VPS8: variants seen among roughly 807,000 people sequenced by gnomAD.
VPS8 encodes vacuolar protein sorting-associated protein 8 homolog.
In VPS8, 129 loss-of-function variants were observed where a neutral mutation model predicts 216.4. That is an observed-to-expected ratio of 0.60 (90% CI 0.52 to 0.69). VPS8 has a LOEUF of 0.69. Ranked by LOEUF, VPS8 falls within the 30% of genes least tolerant of loss-of-function variation. The pLI is 0.00. For synonymous variants in VPS8, 571 were observed against 565.4 expected, an observed-to-expected ratio of 1.01 and a Z score of -0.14; for missense variants, 1,531 against 1,683.5, an observed-to-expected ratio of 0.91 and a Z score of 1.59.
chr3:184,889,120 C>CAA (rs1731853926), intron 22 of VPS8, among the ~76,000 whole-genome samples: 1 of 152,080 alleles, frequency 6.6e-6, no homozygotes, highest in Non-Finnish European at 1.5e-5. Flanking sequence ...TATTGACTGT[C>CAA]TGAGAATGCA....
At chr3:185,012,324 T>C (rs979085959) in intron 45 of VPS8, among the ~76,000 whole-genome samples, 2 of 147,816 alleles carry the variant, frequency 1.4e-5, no homozygotes, top group African/African-American at 4.9e-5. Context: ...AATTTATATA[T>C]GGATATAATG....
chr3:184,841,627 C>T (rs9290801), intron 7 of VPS8, among the ~76,000 whole-genome samples: 37,415 of 152,086 alleles, frequency 0.25, 7,249 homozygotes, highest in African/African-American at 0.54. Flanking sequence ...TGATATGTAT[C>T]ATCTAATGGC....
intron 7 of VPS8, chr3:184,840,338 T>C (rs1351041174): frequency 6.6e-6 from 1 of 152,236 alleles, no homozygotes; most frequent in Non-Finnish European, 1.5e-5. Context: ...TATAGTTTCA[T>C]TAAACCTTCT....
In VPS8 at chr3:184,984,460, A is replaced by G. The variant is rs1275387524; in HGVS notation, c.3585+1366A>G. On this transcript the variant is annotated intron_variant, in intron 42 of 47. Coordinates refer to ENST00000625842, the MANE Select transcript of VPS8 (RefSeq NM_001009921.3). ...AGGCATGTGCCACCACGCCCAGCTG[A>G]TTTTGTATTTTTAGTAGAGACCGGG... Among the ~76,000 whole-genome samples, 9 of 151,216 alleles carry G rather than the reference A, an allele frequency of 6.0e-5. No homozygotes were observed. The East Asian group carries it at 1.8e-3, about 30-fold the overall frequency.
At chr3:184,849,015 G>A in intron 8 of VPS8, 56 bp from the exon 9 acceptor site, 12 of 1,593,946 alleles carry the variant, frequency 7.5e-6, no homozygotes, top group African/African-American at 1.3e-5. Flanking sequence ...GCCTGTACTC[G>A]ATGTATTTAC....
chr3:184,945,545 A>C lies in VPS8; in HGVS notation c.3035+5302A>C, dbSNP rs188658559. ...TCTACCTTGTCACCACACCGCGCAG[A>C]AACAGTTACCAAAATCTATAAACTC... On this transcript the variant is annotated intron_variant, in intron 36 of 47. Coordinates refer to ENST00000625842, the MANE Select transcript of VPS8 (RefSeq NM_001009921.3). 1.1e-4 allele frequency among the ~76,000 whole-genome samples: 17 copies of C among 152,268 alleles called. No homozygotes were observed. In the East Asian group the frequency reaches 3.3e-3, roughly 29 times the overall value.
chr3:184,936,728 C>G lies in VPS8; in HGVS notation c.2988+393C>G, dbSNP rs147856171. 1.7e-4 allele frequency among the ~76,000 whole-genome samples: 26 copies of G among 151,830 alleles called. No homozygotes were observed. In the East Asian group the frequency reaches 4.8e-3, roughly 28 times the overall value. ...TCCCATTTTCTTTTGCTGTAGGATC[C>G]ACAACCCCGTTTTCTTTTTTTTTTT... On this transcript the variant is annotated intron_variant, in intron 35 of 47. Transcript: ENST00000625842.
intron 1 of VPS8, chr3:184,816,229 TTATC>T (rs951115302): frequency 1.2e-4 from 19 of 152,224 alleles, no homozygotes; most frequent in African/African-American, 4.6e-4. Flanking sequence ...AATTTCTACA[TTATC>T]TAGATATTTG....
chr3:184,894,372 G>A (rs552484408), intron 22 of VPS8, among the ~76,000 whole-genome samples: 1 of 152,142 alleles, frequency 6.6e-6, no homozygotes, highest in South Asian at 2.1e-4. Context: ...TAGGCCGGAA[G>A]GCTGGGTTCA....
In VPS8 at chr3:184,886,099, T is replaced by C; in HGVS notation, c.1735-11T>C. On this transcript the variant is annotated splice_polypyrimidine_tract_variant and intron_variant, in intron 21 of 47. Coordinates refer to ENST00000625842, the MANE Select transcript of VPS8 (RefSeq NM_001009921.3). ...TGTGGGGCTGATGCTTTCTTTATGGTTCCTCTACAGGATATGGTGCCTGTC... is the reference window on the plus strand; with the variant it reads ...TGTGGGGCTGATGCTTTCTTTATGGCTCCTCTACAGGATATGGTGCCTGTC... 6.2e-7 allele frequency: 1 copy of C among 1,607,252 alleles called. No homozygotes were observed. Among genetic ancestry groups the C allele is most frequent in the Admixed American group, 1.7e-5 (1 of 59,154 alleles).
chr3:184,860,083 T>G lies in VPS8; in HGVS notation c.1224+18T>G, dbSNP rs1560420833. ...ACTTTACCGTGAGTATTATTCAAAT[T>G]AAATATCCCCATTTAGTTCATGTAA... On this transcript the variant is annotated intron_variant, in intron 15 of 47. Transcript: ENST00000625842. The G allele has an allele frequency of 6.4e-7, 1 of 1,560,164 alleles. No homozygotes were observed. The highest frequency in any genetic ancestry group is 2.2e-5 in the East Asian group (1 of 44,540).
chr3:185,042,065 T>G (rs1711766817), intron 46 of VPS8, among the ~76,000 whole-genome samples: 1 of 152,180 alleles, frequency 6.6e-6, no homozygotes, highest in African/African-American at 2.4e-5. Context: ...ATCCTAGGTG[T>G]GTTCTAGTTA....
chr3:184,997,124 G>GT (rs1417483247), intron 44 of VPS8, among the ~76,000 whole-genome samples: 4 of 152,202 alleles, frequency 2.6e-5, no homozygotes, highest in Non-Finnish European at 5.9e-5. Flanking sequence ...TAATTTAGAA[G>GT]TTGTCAGCAT....
At chr3:184,929,198 CT>C (rs1241076175) in intron 32 of VPS8, among the ~76,000 whole-genome samples, 3 of 151,832 alleles carry the variant, frequency 2.0e-5, no homozygotes, top group African/African-American at 4.8e-5. Flanking sequence ...ATTAATTTTT[CT>C]TTTTTTTCTT....
intron 14 of VPS8, among the ~76,000 whole-genome samples, chr3:184,856,692 A>C (rs984988305): frequency 6.6e-6 from 1 of 152,066 alleles, no homozygotes; most frequent in Non-Finnish European, 1.5e-5. Flanking sequence ...AATCATGTAC[A>C]TGTCTAGCCT....
At chr3:185,026,571 C>T (rs1228342721) in intron 46 of VPS8, among the ~76,000 whole-genome samples, 1 of 151,746 alleles carries the variant, frequency 6.6e-6, no homozygotes, top group Non-Finnish European at 1.5e-5. Context: ...ACCACCACAC[C>T]CAGCCAGTTT....
At chr3:184,850,902 CCA>C (rs1044225162) in intron 10 of VPS8, among the ~76,000 whole-genome samples, 1 of 152,192 alleles carries the variant, frequency 6.6e-6, no homozygotes, top group African/African-American at 2.4e-5. Context: ...ATAAAAACAA[CCA>C]AGACAAGTAA....
At chr3:184,875,260 T>C (rs1167953730) in intron 21 of VPS8, among the ~76,000 whole-genome samples, 1 of 152,058 alleles carries the variant, frequency 6.6e-6, no homozygotes, top group Non-Finnish European at 1.5e-5. Context: ...ATTTTAATCT[T>C]TACCCTTGGT....
chr3:184,935,972 T>C (rs1218320049), intron 34 of VPS8, among the ~76,000 whole-genome samples: 2 of 152,222 alleles, frequency 1.3e-5, no homozygotes, highest in African/African-American at 4.8e-5. Context: ...GCAGGTATCA[T>C]GGCTGAAATC....
Sources: allele counts gnomAD v4.1 joint callset (sites outside exome capture counted in the v4.1 genomes callset), GRCh38; gene constraint gnomAD v4.1.1; transcripts MANE v1.5; gene names NCBI Gene and HGNC (gene_info 2026-07-23, HGNC 2026-07-21).